Variants in ATP11A observed in about 807,000 individuals in gnomAD.
The protein encoded by ATP11A is ATPase phospholipid transporting 11A, also known as phospholipid-transporting ATPase IH.
Under a neutral mutation model 154.4 loss-of-function variants are expected in ATP11A, and 81 were observed. That is an observed-to-expected ratio of 0.52 (90% CI 0.44 to 0.63). ATP11A has a LOEUF of 0.63. Ranked by LOEUF, ATP11A falls within the 30% of genes least tolerant of loss-of-function variation. The pLI is 0.00. For synonymous variants in ATP11A, 623 were observed against 585.9 expected (o/e 1.06, Z -0.91); for missense variants, 1,316 against 1,474.3 (o/e 0.89, Z 1.76).
chr13:112,847,080 A>C (rs59293321), intron 17 of ATP11A, among the ~76,000 whole-genome samples: 1,629 of 152,280 alleles, frequency 0.011, 27 homozygotes, highest in African/African-American at 0.037. Flanking sequence ...GGTCTGCCCC[A>C]TAACTCAGGG....
In ATP11A at chr13:112,882,127, A is replaced by AG. The variant is rs1236110244; in HGVS notation, c.*267dup. ...TCTTCCTGGCCCCCAGCAGGCAAGG[A>AG]GGGGGGTCACAGGCCTTGCCCTCGA... On this transcript the variant is annotated 3_prime_UTR_variant, in exon 30 of 30. Coordinates refer to ENST00000375645, the MANE Select transcript of ATP11A (RefSeq NM_015205.3). This position sits in a 1 kb window ranked among gnomAD's most constrained non-coding sequence, Gnocchi z 5.1. The AG allele has an allele frequency of 1.4e-5, 18 of 1,332,410 alleles. No individual in the cohort carries two copies. Among genetic ancestry groups the AG allele is most frequent in the Non-Finnish European group, 1.7e-5 (17 of 1,004,870 alleles). 82.5% of individuals were successfully genotyped at this position (1,332,410 alleles called of 1,614,324 possible).
chr13:112,766,344 G>C (rs9604433), intron 1 of ATP11A, among the ~76,000 whole-genome samples: 18,309 of 152,190 alleles, frequency 0.12, 1,513 homozygotes, highest in African/African-American at 0.23. Context: ...GGGCTTTACT[G>C]GCCCAACCAG....
intron 1 of ATP11A, among the ~76,000 whole-genome samples, chr13:112,749,770 G>C (rs895269302): frequency 6.7e-6 from 1 of 148,590 alleles, no homozygotes; most frequent in Admixed American, 6.7e-5. Flanking sequence ...ATCCTCCCAC[G>C]TGGGGACACG....
intron 9 of ATP11A, among the ~76,000 whole-genome samples, 161 bp downstream of exon 9, chr13:112,823,570 A>G (rs1053349142): frequency 6.6e-6 from 1 of 152,260 alleles, no homozygotes; most frequent in African/African-American, 2.4e-5. Context: ...TGATCAGTGA[A>G]TAAGTGCAAT....
At chr13:112,851,292 C>A in intron 18 of ATP11A, 74 bp downstream of exon 18, 1 of 1,492,454 alleles carries the variant, frequency 6.7e-7, no homozygotes, top group Non-Finnish European at 9.1e-7. Flanking sequence ...CGTGTGAGGG[C>A]GAGTGGACGG....
chr13:112,820,201 A>G (rs1017710399), intron 8 of ATP11A, among the ~76,000 whole-genome samples: 1 of 152,222 alleles, frequency 6.6e-6, no homozygotes, highest in Non-Finnish European at 1.5e-5. Flanking sequence ...GTCGTCTCAC[A>G]GGCCAGGAGG....
At chr13:112,861,062 G>A (rs1017698608) in intron 24 of ATP11A, among the ~76,000 whole-genome samples, 7 of 152,214 alleles carry the variant, frequency 4.6e-5, no homozygotes, top group Admixed American at 1.3e-4. Flanking sequence ...CGGAAGGCAT[G>A]AGGAGCAAAG....
In ATP11A at chr13:112,823,394, A is replaced by G. The variant is rs1011359701; in HGVS notation, c.775A>G (p.Thr259Ala). ...GCTTAGAGGAGCTACACTGAAGAACACTGAGAAAATCTTTGGTAAATATTT... is the reference window on the plus strand; with the variant it reads ...GCTTAGAGGAGCTACACTGAAGAACGCTGAGAAAATCTTTGGTAAATATTT... ...LLLRGATLKN[T>A]EKIFGVAIYT... is the part of the protein sequence containing the mutation. The change falls in exon 9 of 30, where the codon ACT (threonine) becomes GCT (alanine). Residue 259 changes from threonine (T) to alanine (A), a missense_variant. This residue lies in a region of ATP11A where 876 missense variants were observed against 1,006.8 expected (regional missense o/e 0.87). Coordinates refer to ENST00000375645, the MANE Select transcript of ATP11A (RefSeq NM_015205.3). 2 of 1,612,552 alleles carry G rather than the reference A, an allele frequency of 1.2e-6. No individual in the cohort carries two copies. The highest frequency in any genetic ancestry group is 2.2e-5 in the East Asian group (1 of 44,876).
At chr13:112,863,549 A>T (rs911631958) in intron 25 of ATP11A, among the ~76,000 whole-genome samples, 2 of 149,638 alleles carry the variant, frequency 1.3e-5, no homozygotes, top group African/African-American at 5.0e-5. Flanking sequence ...GCAGCTTCCC[A>T]GCGGGATCCA....
Position 112,690,414 on chromosome 13 carries a change from G to T in ATP11A, c.-3G>T. On this transcript the variant is annotated 5_prime_UTR_variant, in exon 1 of 30. Transcript: ENST00000375645. The surrounding 1 kb of genome is among the most constrained non-coding windows in gnomAD (Gnocchi z 5.6). ...CGGCGGAGCGGGAGCGGCCGGAGGA[G>T]CCATGGACTGCAGCCTCGTGCGGAC... The T allele has an allele frequency of 7.5e-7, 1 of 1,327,258 alleles. No individual in the cohort carries two copies. Among genetic ancestry groups the T allele is most frequent in the Non-Finnish European group, 9.6e-7 (1 of 1,037,794 alleles). The allele number at this position is 1,327,258 out of a possible 1,614,324, so 82.2% of individuals were successfully genotyped here. A position where few individuals can be genotyped will look rare whatever the true frequency, so the allele number is the denominator to read the frequency against.
intron 1 of ATP11A, among the ~76,000 whole-genome samples, chr13:112,707,420 A>T (rs1363533591): frequency 6.6e-6 from 1 of 151,104 alleles, no homozygotes; most frequent in Admixed American, 6.6e-5. Context: ...TGTCTCAAAA[A>T]AAAAAAAAAA....
chr13:112,881,909 G>C lies in ATP11A; in HGVS notation c.*43G>C, dbSNP rs147994588. On this transcript the variant is annotated 3_prime_UTR_variant, in exon 30 of 30. Coordinates refer to ENST00000375645, the MANE Select transcript of ATP11A (RefSeq NM_015205.3). ...CTACCAGAGCACCTGTCCCTCGGCCGCCTGGTACAGCTCCCACTCTCAGCA... is the reference window on the plus strand; with the variant it reads ...CTACCAGAGCACCTGTCCCTCGGCCCCCTGGTACAGCTCCCACTCTCAGCA... The C allele has an allele frequency of 7.3e-7, 1 of 1,367,730 alleles. No homozygotes were observed. The highest frequency in any genetic ancestry group is 9.8e-7 in the Non-Finnish European group (1 of 1,021,980). 84.7% of individuals were successfully genotyped at this position (1,367,730 alleles called of 1,614,324 possible).
chr13:112,868,139 A>G (rs1187724685), intron 25 of ATP11A, among the ~76,000 whole-genome samples: 1 of 152,238 alleles, frequency 6.6e-6, no homozygotes, highest in Non-Finnish European at 1.5e-5. Context: ...TTGAACAGCA[A>G]GACATTCCTA....
intron 1 of ATP11A, among the ~76,000 whole-genome samples, chr13:112,781,683 A>G (rs990794921): frequency 6.7e-6 from 1 of 148,394 alleles, no homozygotes; most frequent in Non-Finnish European, 1.5e-5. Context: ...CCTTTTGGGC[A>G]GTTTAGTCTT....
Position 112,823,357 on chromosome 13 carries a change from G to A in ATP11A, c.738G>A (p.Ser246=), listed in dbSNP as rs535671823. The change falls in exon 9 of 30, where the codon TCG becomes TCA. Residue 246 remains serine, a synonymous_variant. Coordinates refer to ENST00000375645, the MANE Select transcript of ATP11A (RefSeq NM_015205.3). The part of the protein sequence containing the change: ...LNDPVVRPLG[S]ENLLLRGATL... ...CGTATCTTTACAGGCCCTTAGGATC[G>A]GAAAACCTGCTGCTTAGAGGAGCTA... The A allele has an allele frequency of 4.2e-5, 68 of 1,613,596 alleles. 1 individual carries two copies. Among genetic ancestry groups the A allele is most frequent in the African/African-American group, 3.2e-4 (24 of 75,010 alleles).
At chr13:112,845,421 C>T (rs2140304759) in intron 17 of ATP11A, among the ~76,000 whole-genome samples, 1 of 112,318 alleles carries the variant, frequency 8.9e-6, no homozygotes, top group Non-Finnish European at 1.7e-5. Flanking sequence ...AGTTGCCAGG[C>T]ACTAGTGGTT....
intron 1 of ATP11A, among the ~76,000 whole-genome samples, chr13:112,769,333 C>T (rs2077172559): frequency 6.6e-6 from 1 of 152,218 alleles, no homozygotes; most frequent in African/African-American, 2.4e-5. Flanking sequence ...AGGTGCAGCA[C>T]AGCCTTGGCC....
intron 28 of ATP11A, among the ~76,000 whole-genome samples, chr13:112,877,792 C>T (rs1446469927): frequency 6.6e-6 from 1 of 152,220 alleles, no homozygotes; most frequent in Non-Finnish European, 1.5e-5. Context: ...TGCCGAGGGC[C>T]ACGCCCCCGG....
chr13:112,865,845 A>C (rs1382537285), intron 25 of ATP11A, among the ~76,000 whole-genome samples: 4 of 152,202 alleles, frequency 2.6e-5, no homozygotes, highest in Non-Finnish European at 5.9e-5. Context: ...GCCACCATGC[A>C]CGGCCAGCCT....
Sources: allele counts gnomAD v4.1 joint callset (sites outside exome capture counted in the v4.1 genomes callset), GRCh38; gene constraint gnomAD v4.1.1; regional missense constraint gnomAD v4.1.1; non-coding constraint Gnocchi (gnomAD v3.1); transcripts MANE v1.5; gene names NCBI Gene and HGNC (gene_info 2026-07-23, HGNC 2026-07-21).